ZNF282: variants seen among roughly 807,000 people sequenced by gnomAD.
The protein encoded by ZNF282 is HTLV-I U5 repressive element-binding protein 1.
Under a neutral mutation model 61.9 loss-of-function variants are expected in ZNF282, and 30 were observed. That is an observed-to-expected ratio of 0.48 (90% confidence interval 0.36 to 0.66). ZNF282 has a LOEUF of 0.66. ZNF282 is among the 30% of genes least tolerant of loss of function. The pLI, the probability that ZNF282 is intolerant of heterozygous loss-of-function variation, is 0.00. For synonymous variants in ZNF282, 396 were observed against 405.0 expected (o/e 0.98, Z 0.27); for missense variants, 788 against 941.4 (o/e 0.84, Z 2.13).
intron 7 of ZNF282, 118 bp from the exon 8 acceptor site, chr7:149,223,694 C>A: frequency 8.8e-7 from 1 of 1,134,108 alleles, no homozygotes; most frequent in Non-Finnish European, 1.1e-6. Flanking sequence ...TTGTGCAATC[C>A]CTCGTAGTTA....
intron 5 of ZNF282, among the ~76,000 whole-genome samples, chr7:149,211,425 G>A (rs986954470): frequency 6.6e-6 from 1 of 152,162 alleles, no homozygotes; most frequent in African/African-American, 2.4e-5. Context: ...TTTTCCTTGG[G>A]GGAGGCCAGT....
chr7:149,222,985 CAG>C (rs1796280975), intron 7 of ZNF282, among the ~76,000 whole-genome samples: 2 of 147,158 alleles, frequency 1.4e-5, no homozygotes, highest in African/African-American at 2.5e-5. Flanking sequence ...TTTTGAGAGA[CAG>C]AGTTTCGCTC....
Position 149,207,700 on chromosome 7 carries a change from C to T in ZNF282, c.832+230C>T, listed in dbSNP as rs564461340. Among the ~76,000 whole-genome samples, 39 of 152,288 alleles carry T rather than the reference C, an allele frequency of 2.6e-4. No individual in the cohort carries two copies. In the South Asian group the frequency reaches 7.5e-3, roughly 29 times the overall value. On this transcript the variant is annotated intron_variant, in intron 4 of 7. Transcript: ENST00000610704. ...TATTTGTGGTGTGGTTTGTTAAAGC[C>T]GCGTAGCTCTGGACTCTCAAGTAAG... is the stretch of plus-strand genomic sequence containing the variant.
At position 149,224,162 on chromosome 7, in the gene ZNF282, C is replaced by T; in HGVS notation, c.1531C>T (p.His511Tyr). 1 of 1,574,756 alleles carries T rather than the reference C, an allele frequency of 6.4e-7. No homozygotes were observed. The highest frequency in any genetic ancestry group is 8.6e-7 in the Non-Finnish European group (1 of 1,166,788). Residue 511 changes from histidine (H) to tyrosine (Y), a missense_variant, in exon 8 of 8, where the codon CAC becomes TAC. Coordinates refer to ENST00000610704, the MANE Select transcript of ZNF282 (RefSeq NM_003575.4). The stretch of plus-strand genomic sequence containing the variant: ...CGGGCTGCGGCGGAGCCTCCTCCTG[C>T]ACGGCGCCCGCAGCAAGCCCTACTC... ...PGGLRRSLLLHGARSKPYSCP... is the reference protein window; with the variant it reads ...PGGLRRSLLLYGARSKPYSCP...
In ZNF282 at chr7:149,226,208, T is replaced by C. The variant is rs1227172138; in HGVS notation, c.*1561T>C. 1 of 152,776 alleles carries C rather than the reference T, an allele frequency of 6.5e-6. No individual in the cohort carries two copies. The highest frequency in any genetic ancestry group is 6.5e-5 in the Admixed American group (1 of 15,306). 9.5% of individuals were successfully genotyped at this position (152,776 alleles called of 1,614,324 possible). A position where few individuals can be genotyped will look rare whatever the true frequency, so the allele number is the denominator to read the frequency against. On this transcript the variant is annotated 3_prime_UTR_variant, in exon 8 of 8. Coordinates refer to ENST00000610704, the MANE Select transcript of ZNF282 (RefSeq NM_003575.4). ...TTCACAGAGCTGGGGGTTCTCCAGC[T>C]TGCCTACAGTAAAGCCTCAATGAAC...
chr7:149,223,760 G>A, intron 7 of ZNF282, 52 bp from the exon 8 acceptor site: 1 of 1,433,342 alleles, frequency 7.0e-7, no homozygotes, highest in Non-Finnish European at 9.1e-7. Flanking sequence ...GAGCAGTGTG[G>A]GGTCCTGGCC....
At chr7:149,204,572 C>T (rs1022264275) in intron 2 of ZNF282, among the ~76,000 whole-genome samples, 3 of 152,116 alleles carry the variant, frequency 2.0e-5, no homozygotes, top group Non-Finnish European at 4.4e-5. Context: ...GTGAAGGGCA[C>T]ATACCGTCGG....
chr7:149,214,641 G>A (rs1796135509), intron 7 of ZNF282, among the ~76,000 whole-genome samples: 1 of 152,066 alleles, frequency 6.6e-6, no homozygotes, highest in South Asian at 2.1e-4. Context: ...ACTAGCCTGG[G>A]TAACATAGTG....
chr7:149,224,556 A>G lies in ZNF282; in HGVS notation c.1925A>G (p.Lys642Arg). The part of the protein sequence containing the change: ...CGECGKSFRY[K>R]ESLKDHLRVH... ...GAGTGCGGCAAGAGCTTCCGCTACA[A>G]GGAGTCGCTCAAGGACCACCTGCGC... The change falls in exon 8 of 8, where the codon AAG becomes AGG. Residue 642 changes from lysine (K) to arginine (R), a missense_variant. Physicochemically the swap from Lys to Arg is conservative, Grantham distance 26. Transcript: ENST00000610704. 2 of 1,607,622 alleles carry G rather than the reference A, an allele frequency of 1.2e-6. No homozygotes were observed. The highest frequency in any genetic ancestry group is 8.5e-7 in the Non-Finnish European group (1 of 1,178,932).
At position 149,224,208 on chromosome 7, in the gene ZNF282, G is replaced by A. The variant is rs763218497; in HGVS notation, c.1577G>A (p.Ser526Asn). The A allele has an allele frequency of 6.2e-7, 1 of 1,608,448 alleles. No homozygotes were observed. The highest frequency in any genetic ancestry group is 1.1e-5 in the South Asian group (1 of 91,068). ...KPYSCPECGK[S>N]FGVRKSLIIH... ...TACTCGTGCCCCGAGTGCGGCAAGA[G>A]CTTCGGCGTGCGCAAGAGCCTCATC... The change falls in exon 8 of 8, where the codon AGC becomes AAC. Residue 526 changes from serine to asparagine, a missense_variant. Coordinates refer to ENST00000610704, the MANE Select transcript of ZNF282 (RefSeq NM_003575.4).
intron 5 of ZNF282, 72 bp from the exon 6 acceptor site, chr7:149,212,286 T>A: frequency 1.0e-6 from 1 of 1,000,352 alleles, no homozygotes; most frequent in South Asian, 1.6e-5. Flanking sequence ...AATCAGAGAT[T>A]TACTCAAAAC....
chr7:149,211,892 T>C (rs1170621111), intron 5 of ZNF282, among the ~76,000 whole-genome samples: 3 of 152,190 alleles, frequency 2.0e-5, no homozygotes, highest in African/African-American at 7.2e-5. Flanking sequence ...GAGTATAGGG[T>C]CTTTTTCTTA....
intron 7 of ZNF282, among the ~76,000 whole-genome samples, chr7:149,219,623 G>A (rs2129523668): frequency 6.6e-6 from 1 of 152,288 alleles, no homozygotes; most frequent in African/African-American, 2.4e-5. Context: ...GAGGCAGGTG[G>A]ATCATTTGAG....
At chr7:149,207,117 C>T (rs1029177017) in intron 3 of ZNF282, among the ~76,000 whole-genome samples, 8 of 152,186 alleles carry the variant, frequency 5.3e-5, no homozygotes, top group East Asian at 1.9e-4. Flanking sequence ...CAGCAGCCCG[C>T]GGTAAGCCAT....
chr7:149,200,186 C>T (rs1795886189), intron 2 of ZNF282, among the ~76,000 whole-genome samples: 1 of 152,190 alleles, frequency 6.6e-6, no homozygotes, highest in Non-Finnish European at 1.5e-5. Context: ...CTGATTACGT[C>T]CCCTGTGGTC....
In ZNF282 at chr7:149,214,614, G is replaced by A. The variant is rs150290428; in HGVS notation, c.1180+800G>A. Among the ~76,000 whole-genome samples, 439 of 152,250 alleles carry A rather than the reference G, an allele frequency of 2.9e-3. 4 individuals are homozygous for A. The highest frequency in any genetic ancestry group is 9.9e-3 in the African/African-American group (410 of 41,538). ...GGAGGCTGAGGTGGAAGGATCTCTTGAGCTCAGGAGTTTGAAACTAGCCTG... is the reference window on the plus strand; with the variant it reads ...GGAGGCTGAGGTGGAAGGATCTCTTAAGCTCAGGAGTTTGAAACTAGCCTG... On this transcript the variant is annotated intron_variant, in intron 7 of 7. Coordinates refer to ENST00000610704, the MANE Select transcript of ZNF282 (RefSeq NM_003575.4).
At chr7:149,201,678 G>A (rs1363091333) in intron 2 of ZNF282, among the ~76,000 whole-genome samples, 3 of 152,058 alleles carry the variant, frequency 2.0e-5, no homozygotes, top group African/African-American at 4.8e-5. Context: ...CTTGAACCTG[G>A]GAGGCAGAGG....
At chr7:149,207,201 C>CAAGGTTCTTCATATG in intron 3 of ZNF282, 150 bp from the exon 4 acceptor site, 1 of 1,000,678 alleles carries the variant, frequency 1.0e-6, no homozygotes, top group Non-Finnish European at 1.4e-6. Context: ...GACTCGTTTT[C>CAAGGTTCTTCATATG]AGATTACCCG....
intron 4 of ZNF282, among the ~76,000 whole-genome samples, chr7:149,210,339 T>A (rs1286937376): frequency 6.6e-6 from 1 of 152,214 alleles, no homozygotes; most frequent in African/African-American, 2.4e-5. Flanking sequence ...TTTTCTTGAA[T>A]GTTGGCTTCC....
Sources: allele counts gnomAD v4.1 joint callset (sites outside exome capture counted in the v4.1 genomes callset), GRCh38; gene constraint gnomAD v4.1.1; transcripts MANE v1.5; gene names NCBI Gene and HGNC (gene_info 2026-07-23, HGNC 2026-07-21).